The following TFG variants were observed in gnomAD, a reference collection of about 807,000 sequenced individuals.
TFG encodes the protein protein TFG.
TFG carries 22 observed loss-of-function variants against 51.4 expected under a neutral mutation model. The ratio of observed to expected loss-of-function variants is 0.43; its 90% CI spans 0.31 to 0.61. The LOEUF is 0.61. TFG is among the 20% of genes least tolerant of loss of function. The probability of loss-of-function intolerance (pLI) is 0.12; values close to 1 mark genes in which losing one functional copy is unlikely to be tolerated. For synonymous variants in TFG, 187 were observed against 165.6 expected, an observed-to-expected ratio of 1.13 and a Z score of -0.99; for missense variants, 419 against 487.7, an observed-to-expected ratio of 0.86 and a Z score of 1.33.
At position 100,713,750 on chromosome 3, in the gene TFG, G is replaced by A. The variant is rs1344585460; in HGVS notation, c.65G>A (p.Arg22Gln). ...IIKAQLGEDI[R>Q]RIPIHNEDIT... ...AAAGCTCAACTTGGGGAGGATATTC[G>A]GCGAATTCCTATTCATAATGAAGAT... Residue 22 changes from arginine to glutamine, a missense_variant, in exon 2 of 8, where the codon CGG becomes CAG. Physicochemically the swap from Arg to Gln is conservative, Grantham distance 43. Coordinates refer to ENST00000240851, the MANE Select transcript of TFG (RefSeq NM_006070.6). The A allele has an allele frequency of 1.2e-6, 2 of 1,610,442 alleles. No homozygotes were observed. Among genetic ancestry groups the A allele is most frequent in the Non-Finnish European group, 1.7e-6 (2 of 1,177,746 alleles).
intron 1 of TFG, among the ~76,000 whole-genome samples, chr3:100,712,083 T>C (rs1045394192): frequency 6.6e-6 from 1 of 152,090 alleles, no homozygotes. Flanking sequence ...GCATTGACCT[T>C]AGAGTGTTAT....
intron 4 of TFG, among the ~76,000 whole-genome samples, chr3:100,731,703 T>G (rs758930003): frequency 5.3e-5 from 8 of 152,096 alleles, no homozygotes; most frequent in Non-Finnish European, 1.2e-4. Context: ...ATTACAGGCA[T>G]GCATCACTGT....
intron 5 of TFG, among the ~76,000 whole-genome samples, chr3:100,733,287 C>T (rs2095096927): frequency 6.6e-6 from 1 of 151,974 alleles, no homozygotes; most frequent in Admixed American, 6.6e-5. Context: ...GTTCATTTTT[C>T]TTCAGTCTTC....
chr3:100,736,540 G>A (rs989928460), intron 5 of TFG, 36 bp from the exon 6 acceptor site: 1 of 1,608,662 alleles, frequency 6.2e-7, no homozygotes, highest in Non-Finnish European at 8.5e-7. Context: ...AAGGCCTTGT[G>A]TTGGATACTA....
rs751857236 is a variant in TFG at position 100,744,817 on chromosome 3, G to T, written c.722-16G>T. 6.3e-7 allele frequency: 1 copy of T among 1,580,276 alleles called. No homozygotes were observed. Among genetic ancestry groups the T allele is most frequent in the East Asian group, 2.2e-5 (1 of 44,682 alleles). On this transcript the variant is annotated splice_polypyrimidine_tract_variant and intron_variant, in intron 6 of 7. Transcript: ENST00000240851. ...ACATGCCTTTTTTCCTTGTGTGTGT[G>T]TGTGTGTGTTTTCAGGTCAGATGTA... is the stretch of plus-strand genomic sequence containing the variant.
At position 100,719,979 on chromosome 3, in the gene TFG, A is replaced by G; in HGVS notation, c.189A>G (p.Gly63=). 1 of 1,532,246 alleles carries G rather than the reference A, an allele frequency of 6.5e-7. No individual in the cohort carries two copies. The highest frequency in any genetic ancestry group is 2.1e-5 in the Admixed American group (1 of 46,770). 94.9% of individuals were successfully genotyped at this position (1,532,246 alleles called of 1,614,324 possible). A position where few individuals can be genotyped will look rare whatever the true frequency, so the allele number is the denominator to read the frequency against. The part of the protein sequence containing the change: ...EVTIKYKDED[G]DLITIFDSSD... ...TTTTTTTTTTTTAAATTCCAGATGG[A>G]GATCTTATAACAATTTTTGATAGTT... Residue 63 remains glycine, a synonymous_variant, in exon 3 of 8, where the codon GGA becomes GGG. Transcript: ENST00000240851.
At chr3:100,731,228 A>G (rs1253749840) in intron 4 of TFG, among the ~76,000 whole-genome samples, 1 of 152,214 alleles carries the variant, frequency 6.6e-6, no homozygotes, top group East Asian at 1.9e-4. Flanking sequence ...GTAAATGGTT[A>G]GCAACAGTCT....
chr3:100,736,845 G>C, intron 6 of TFG, 129 bp downstream of exon 6: 1 of 1,011,286 alleles, frequency 9.9e-7, no homozygotes, highest in East Asian at 2.5e-5. Flanking sequence ...TTACTGACAT[G>C]ATTTGATGTT....
At chr3:100,744,564 T>G in intron 6 of TFG, 1 of 284,774 alleles carries the variant, frequency 3.5e-6, no homozygotes, top group Non-Finnish European at 6.5e-6. Context: ...AAAACATTTG[T>G]TTTTCTAGAC....
intron 2 of TFG, among the ~76,000 whole-genome samples, chr3:100,716,465 A>G (rs551039700): frequency 1.3e-3 from 197 of 152,260 alleles, no homozygotes; most frequent in African/African-American, 4.6e-3. Context: ...GGTTGATTCC[A>G]TATCTTGACT....
intron 3 of TFG, among the ~76,000 whole-genome samples, chr3:100,726,769 A>G (rs1421058279): frequency 6.6e-6 from 1 of 151,694 alleles, no homozygotes; most frequent in African/African-American, 2.4e-5. Context: ...TATGTTAGAA[A>G]AGTATTTTTT....
chr3:100,728,065 C>T (rs894325108), intron 3 of TFG, among the ~76,000 whole-genome samples: 3 of 152,222 alleles, frequency 2.0e-5, no homozygotes, highest in Admixed American at 1.3e-4. Context: ...AACTCCTGGG[C>T]TCAAGCAGTT....
rs2095083062 is a variant in TFG at position 100,728,770 on chromosome 3, G to C, written c.327G>C (p.Leu109=). The change falls in exon 4 of 8, where the codon CTG becomes CTC. Residue 109 remains leucine, a synonymous_variant. Transcript: ENST00000240851. ...AGGTGAAATATCTCCGTCGAGAACT[G>C]ATAGAACTTCGAAATAAAGTGAATC... ...SSQVKYLRRE[L]IELRNKVNRL... The C allele has an allele frequency of 6.2e-7, 1 of 1,613,198 alleles. No homozygotes were observed. The highest frequency in any genetic ancestry group is 1.3e-5 in the African/African-American group (1 of 74,880).
intron 6 of TFG, chr3:100,743,068 G>A (rs941109975): frequency 4.6e-5 from 7 of 152,118 alleles, no homozygotes; most frequent in African/African-American, 1.7e-4. Context: ...TTGTTCATGG[G>A]ATAATATATG....
intron 3 of TFG, among the ~76,000 whole-genome samples, chr3:100,723,045 T>C (rs1351471155): frequency 6.6e-6 from 1 of 152,184 alleles, no homozygotes; most frequent in Non-Finnish European, 1.5e-5. Context: ...TGTCAGGGGA[T>C]TGGGAAGCAC....
chr3:100,743,424 A>C (rs116251760), intron 6 of TFG: 3 of 152,210 alleles, frequency 2.0e-5, no homozygotes, highest in Non-Finnish European at 4.4e-5. Context: ...AGTACAATCC[A>C]GGATTAAGGT....
intron 7 of TFG, among the ~76,000 whole-genome samples, chr3:100,746,241 T>G (rs1251581228): frequency 6.6e-6 from 1 of 152,200 alleles, no homozygotes; most frequent in Non-Finnish European, 1.5e-5. Flanking sequence ...CGGTCCTCAC[T>G]ATGCTTTAGA....
intron 4 of TFG, among the ~76,000 whole-genome samples, chr3:100,730,675 C>A (rs1208254131): frequency 6.6e-6 from 1 of 152,120 alleles, no homozygotes; most frequent in East Asian, 1.9e-4. Flanking sequence ...GAAATGTGGC[C>A]ACCTGTGGTC....
At chr3:100,729,536 T>C (rs1246677423) in intron 4 of TFG, among the ~76,000 whole-genome samples, 2 of 152,128 alleles carry the variant, frequency 1.3e-5, no homozygotes, top group Non-Finnish European at 2.9e-5. Context: ...GTTAAAAAAC[T>C]GCTTTCTTCT....
Sources: allele counts gnomAD v4.1 joint callset (sites outside exome capture counted in the v4.1 genomes callset), GRCh38; gene constraint gnomAD v4.1.1; transcripts MANE v1.5; gene names NCBI Gene and HGNC (gene_info 2026-07-23, HGNC 2026-07-21).